The following B4GALNT2 variants were observed in gnomAD, a reference collection of about 807,000 sequenced individuals.
B4GALNT2 encodes the protein beta-1,4-N-acetyl-galactosaminyltransferase 2 (SID blood group).
A neutral mutation model predicts 51.1 loss-of-function variants in B4GALNT2; 42 were observed. The ratio of observed to expected loss-of-function variants is 0.82; its 90% CI spans 0.64 to 1.06. B4GALNT2 has a LOEUF of 1.06. Among genes scored for constraint, B4GALNT2 ranks in the 50% least tolerant of loss-of-function variants. The probability of loss-of-function intolerance (pLI) is 0.00; values close to 1 mark genes in which losing one functional copy is unlikely to be tolerated. For missense variants in B4GALNT2, 602 were observed against 633.6 expected (o/e 0.95, Z 0.54); for synonymous variants, 253 against 251.7 (o/e 1.01, Z -0.05).
chr17:49,159,205 AAGGTAGACAT>A lies in B4GALNT2; in HGVS notation c.672_679+2del, dbSNP rs2042839900. The A allele has an allele frequency of 5.6e-6, 9 of 1,613,994 alleles. No individual in the cohort carries two copies. Among genetic ancestry groups the A allele is most frequent in the Non-Finnish European group, 7.6e-6 (9 of 1,180,008 alleles). ...CACCAGCACGGGGTACCAGCACCAG[AAGGTAGACAT>A]AGGTGAGAGCCTGTCCTTGGAGTGC... On this transcript the variant is annotated frameshift_variant and splice_region_variant, in exon 6 of 11. Coordinates refer to ENST00000393354, the MANE Select transcript of B4GALNT2 (RefSeq NM_001159387.2). LOFTEE classifies it high-confidence loss of function.
the B4GALNT2 span, among the ~76,000 whole-genome samples, chr17:49,122,344 T>C: frequency 2.0e-5 from 3 of 152,228 alleles, no homozygotes; most frequent in Non-Finnish European, 2.9e-5. Context: ...AGGTGGCATG[T>C]TCTTTCTAGC....
At chr17:49,165,343 AC>A (rs1350782836) in intron 8 of B4GALNT2, among the ~76,000 whole-genome samples, 1 of 83,648 alleles carries the variant, frequency 1.2e-5, no homozygotes, top group Admixed American at 1.6e-4. Flanking sequence ...TCTTCTTCCC[AC>A]CTTCCCTCTC....
chr17:49,169,560 G>C lies in B4GALNT2; in HGVS notation c.1353G>C (p.Gly451=). The C allele has an allele frequency of 6.2e-7, 1 of 1,612,518 alleles. No individual in the cohort carries two copies. Among genetic ancestry groups the C allele is most frequent in the Non-Finnish European group, 8.5e-7 (1 of 1,180,016 alleles). The change falls in exon 11 of 11, where the codon GGG becomes GGC. Residue 451 remains glycine (G), a synonymous_variant. Coordinates refer to ENST00000393354, the MANE Select transcript of B4GALNT2 (RefSeq NM_001159387.2). ...FIDGLGTLLV[G]SCPEVIIGHQ... ...ATGGGCTAGGGACCCTACTCGTGGGGTCATGCCCAGAAGTGATTATAGGTC... is the reference window on the plus strand; with the variant it reads ...ATGGGCTAGGGACCCTACTCGTGGGCTCATGCCCAGAAGTGATTATAGGTC...
At position 49,172,656 on chromosome 17, in the gene B4GALNT2, T is replaced by C; in HGVS notation, c.*2928T>C. The C allele has an allele frequency of 6.5e-6, 1 of 153,796 alleles. No individual in the cohort carries two copies. The highest frequency in any genetic ancestry group is 1.5e-5 in the Non-Finnish European group (1 of 68,036). The allele number at this position is 153,796 out of a possible 1,614,324, so 9.5% of individuals were successfully genotyped here. ...TTATATGGGATGCCAGTAATGTGTT[T>C]AATATTCCATATAGAGAAAAATGTA... On this transcript the variant is annotated 3_prime_UTR_variant, in exon 11 of 11. Coordinates refer to ENST00000393354, the MANE Select transcript of B4GALNT2 (RefSeq NM_001159387.2).
At chr17:49,169,124 T>C (rs1255283471) in intron 10 of B4GALNT2, among the ~76,000 whole-genome samples, 1 of 151,776 alleles carries the variant, frequency 6.6e-6, no homozygotes, top group Non-Finnish European at 1.5e-5. Flanking sequence ...GCTGCCCTTC[T>C]TTTCCTTCCC....
chr17:49,150,494 G>A (rs1172633140), intron 3 of B4GALNT2, among the ~76,000 whole-genome samples: 1 of 152,118 alleles, frequency 6.6e-6, no homozygotes, highest in Admixed American at 6.5e-5. Context: ...GGGAAGGGTG[G>A]GGAAAAGATT....
intron 1 of B4GALNT2, among the ~76,000 whole-genome samples, chr17:49,140,029 C>T (rs139545412): frequency 6.7e-6 from 1 of 149,404 alleles, no homozygotes; most frequent in Non-Finnish European, 1.5e-5. Flanking sequence ...TGTAACTTTG[C>T]CCTATATTAA....
Position 49,164,141 on chromosome 17 carries a change from C to G in B4GALNT2, c.820C>G (p.His274Asp). ...TIATKTFLRPHKLMIMLRSIR... is the reference protein window; with the variant it reads ...TIATKTFLRPDKLMIMLRSIR... Reference sequence around the variant, plus strand: ...TGCTACCAAGACTTTCCTCCGCCCCCACAAGCTCATGATCATGCTCCGGAG... The same window carrying G: ...TGCTACCAAGACTTTCCTCCGCCCCGACAAGCTCATGATCATGCTCCGGAG... The change falls in exon 8 of 11, where the codon CAC becomes GAC. Residue 274 changes from histidine (H) to aspartate (D), a missense_variant. His to Asp is a moderately conservative substitution (Grantham distance 81, BLOSUM62 -1). Coordinates refer to ENST00000393354, the MANE Select transcript of B4GALNT2 (RefSeq NM_001159387.2). The G allele has an allele frequency of 6.2e-7, 1 of 1,614,156 alleles. No individual in the cohort carries two copies. The highest frequency in any genetic ancestry group is 8.5e-7 in the Non-Finnish European group (1 of 1,180,000).
rs762740322 is a variant in B4GALNT2, at chr17:49,152,808, T to A, written c.362T>A (p.Leu121Gln). 3 of 1,599,202 alleles carry A rather than the reference T, an allele frequency of 1.9e-6. No homozygotes were observed. In the South Asian group the frequency reaches 3.4e-5, roughly 18 times the overall value. Residue 121 changes from leucine (L) to glutamine (Q), a missense_variant, in exon 4 of 11, where the codon CTG (leucine) becomes CAG (glutamine). Physicochemically the swap from Leu to Gln is moderately radical, Grantham distance 113. Transcript: ENST00000393354. ...TGTTCTCCTTCCTGCAGAGAAGGGC[T>A]GCCCCGCCCACTGCCCCTGCTGGTC... ...EFEHFQRREG[L>Q]PRPLPLLVQP...
chr17:49,163,434 G>A (rs1327135687), intron 7 of B4GALNT2, among the ~76,000 whole-genome samples: 1 of 108,916 alleles, frequency 9.2e-6, no homozygotes, highest in Non-Finnish European at 1.9e-5. Flanking sequence ...CCTTAGATGG[G>A]CAAAGCTCTG....
the B4GALNT2 span, among the ~76,000 whole-genome samples, chr17:49,121,114 G>T: frequency 2.6e-5 from 4 of 152,230 alleles, no homozygotes; most frequent in East Asian, 7.7e-4. Flanking sequence ...GAAGAGGAAG[G>T]GTTACTGATC....
chr17:49,144,541 C>T (rs1476756359), intron 3 of B4GALNT2, among the ~76,000 whole-genome samples: 1 of 152,212 alleles, frequency 6.6e-6, no homozygotes, highest in Non-Finnish European at 1.5e-5. Context: ...GTCCTGCATC[C>T]TCTATCTGCC....
At chr17:49,139,281 G>A (rs947969400) in intron 1 of B4GALNT2, among the ~76,000 whole-genome samples, 3 of 150,894 alleles carry the variant, frequency 2.0e-5, no homozygotes, top group African/African-American at 4.9e-5. Context: ...CTCTGACACC[G>A]AGGCTGGAGT....
At chr17:49,160,969 C>T (rs1158080005) in intron 7 of B4GALNT2, among the ~76,000 whole-genome samples, 1 of 152,000 alleles carries the variant, frequency 6.6e-6, no homozygotes, top group Non-Finnish European at 1.5e-5. Flanking sequence ...TGGAATTTCA[C>T]TGTGTGATAA....
chr17:49,135,390 C>G (rs1259642001), intron 1 of B4GALNT2, among the ~76,000 whole-genome samples: 5 of 150,930 alleles, frequency 3.3e-5, no homozygotes, highest in Admixed American at 3.3e-4. Context: ...ACCTCCGCCT[C>G]CCAGGTTCAA....
At chr17:49,126,727 C>A in the B4GALNT2 span, among the ~76,000 whole-genome samples, 1 of 142,988 alleles carries the variant, frequency 7.0e-6, no homozygotes, top group Non-Finnish European at 1.5e-5. Flanking sequence ...TTGGTGCAAT[C>A]TCGGCTCATT....
At chr17:49,122,051 T>G in the B4GALNT2 span, among the ~76,000 whole-genome samples, 2 of 152,178 alleles carry the variant, frequency 1.3e-5, no homozygotes, top group African/African-American at 2.4e-5. Context: ...TTTCTGTGTG[T>G]GGGGGAGAAA....
intron 4 of B4GALNT2, among the ~76,000 whole-genome samples, chr17:49,153,797 C>T (rs554922358): frequency 3.1e-4 from 46 of 150,324 alleles, no homozygotes; most frequent in African/African-American, 9.0e-4. Context: ...CATGAGCCAC[C>T]GCGCCTGGCT....
intron 5 of B4GALNT2, among the ~76,000 whole-genome samples, chr17:49,156,926 G>A (rs968011985): frequency 3.3e-5 from 5 of 152,190 alleles, no homozygotes; most frequent in African/African-American, 7.2e-5. Flanking sequence ...CAGGACAGAC[G>A]GTGCTTGTGC....
Sources: gnomAD v4.1 joint callset for allele counts (sites outside exome capture counted in the v4.1 genomes callset) on GRCh38, gnomAD v4.1.1 for gene constraint, MANE v1.5 for transcripts, NCBI Gene and HGNC (gene_info 2026-07-23, HGNC 2026-07-21) for gene names.